Variants in GLI3 observed in about 807,000 individuals in gnomAD.
GLI3 encodes the protein transcription activator GLI3.
GLI3 carries 20 observed loss-of-function variants against 100.8 expected under a neutral mutation model. The observed-to-expected ratio is 0.20, with a 90% CI of 0.14 to 0.29. The LOEUF (loss-of-function observed/expected upper bound fraction) is 0.29, where lower values mean the gene tolerates loss of function less well. Ranked by LOEUF, GLI3 falls within the 10% of genes least tolerant of loss-of-function variation. The probability of loss-of-function intolerance (pLI) is 1.00; values close to 1 mark genes in which losing one functional copy is unlikely to be tolerated. For missense variants in GLI3, 2,040 were observed against 2,128.5 expected (o/e 0.96, Z 0.82); for synonymous variants, 938 against 860.5 (o/e 1.09, Z -1.58).
chr7:42,075,667 G>A (rs1784864910), intron 4 of GLI3, among the ~76,000 whole-genome samples: 1 of 152,118 alleles, frequency 6.6e-6, no homozygotes, highest in African/African-American at 2.4e-5. Flanking sequence ...AATGCTTATA[G>A]AAGTCTGCAA....
chr7:42,211,169 G>A (rs1583651296), intron 2 of GLI3, among the ~76,000 whole-genome samples: 1 of 151,988 alleles, frequency 6.6e-6, no homozygotes, highest in Admixed American at 6.5e-5. Flanking sequence ...CCATTAAGAC[G>A]GTAGCTATTT....
intron 3 of GLI3, among the ~76,000 whole-genome samples, chr7:42,078,442 T>C (rs182136636): frequency 1.5e-3 from 231 of 152,324 alleles, no homozygotes; most frequent in African/African-American, 5.1e-3. Context: ...ATAGCATTCA[T>C]AGAAGCTCTG....
upstream of GLI3, among the ~76,000 whole-genome samples, chr7:42,242,794 AT>A (rs2128709195): frequency 6.6e-6 from 1 of 152,286 alleles, no homozygotes; most frequent in South Asian, 2.1e-4. Context: ...AAGCTTGTGA[AT>A]TTATTTTTTT....
At chr7:42,174,105 G>A (rs906052064) in intron 2 of GLI3, among the ~76,000 whole-genome samples, 5 of 151,874 alleles carry the variant, frequency 3.3e-5, no homozygotes, top group Admixed American at 3.3e-4. Flanking sequence ...TAGGATAAAA[G>A]ACTCTCAAAT....
intron 10 of GLI3, among the ~76,000 whole-genome samples, chr7:42,019,744 C>T (rs759314051): frequency 6.6e-6 from 1 of 151,996 alleles, no homozygotes; most frequent in Non-Finnish European, 1.5e-5. Context: ...TTTCAAATGG[C>T]AAGAGAAAAT....
At chr7:41,985,367 G>A (rs1408785509) in intron 10 of GLI3, among the ~76,000 whole-genome samples, 1 of 152,156 alleles carries the variant, frequency 6.6e-6, no homozygotes, top group Admixed American at 6.5e-5. Context: ...ACTTCTGTGG[G>A]ATTTGCTGGG....
intron 2 of GLI3, among the ~76,000 whole-genome samples, chr7:42,222,304 C>T (rs965977535): frequency 6.6e-6 from 1 of 152,138 alleles, no homozygotes; most frequent in African/African-American, 2.4e-5. Flanking sequence ...ACGAGGAAAA[C>T]GGGCCAGCTC....
chr7:42,174,916 C>A (rs920727474), intron 2 of GLI3, among the ~76,000 whole-genome samples: 4 of 152,150 alleles, frequency 2.6e-5, no homozygotes, highest in African/African-American at 9.7e-5. Context: ...AGTGAGGATG[C>A]GCAGGGGAAG....
chr7:42,093,741 C>T (rs1284321151), intron 3 of GLI3, among the ~76,000 whole-genome samples: 1 of 151,956 alleles, frequency 6.6e-6, no homozygotes, highest in Non-Finnish European at 1.5e-5. Context: ...AACAAATTTA[C>T]AAAAGGAAAA....
At chr7:42,150,911 A>G (rs1786843333) in intron 2 of GLI3, among the ~76,000 whole-genome samples, 1 of 152,178 alleles carries the variant, frequency 6.6e-6, no homozygotes, top group African/African-American at 2.4e-5. Context: ...CAGGAGGGTA[A>G]TCGGGGCGGC....
chr7:42,067,272 G>C (rs1211490647), intron 4 of GLI3, among the ~76,000 whole-genome samples: 1 of 152,114 alleles, frequency 6.6e-6, no homozygotes, highest in Non-Finnish European at 1.5e-5. Context: ...ACGACAATGG[G>C]TGCTAGGAAT....
chr7:42,170,397 C>CTTTTTTTT (rs1185274818), intron 2 of GLI3, among the ~76,000 whole-genome samples: 2 of 81,064 alleles, frequency 2.5e-5, no homozygotes, highest in Non-Finnish European at 2.3e-5. Flanking sequence ...ACTTACTGAT[C>CTTTTTTTT]TTTTTTTTTT....
upstream of GLI3, among the ~76,000 whole-genome samples, chr7:42,240,761 T>G (rs149473501): frequency 5.9e-5 from 9 of 152,284 alleles, no homozygotes; most frequent in East Asian, 1.5e-3. Context: ...AACTTCAACA[T>G]TTTCTTCTGG....
intron 2 of GLI3, among the ~76,000 whole-genome samples, chr7:42,185,036 T>A (rs1480695685): frequency 6.6e-6 from 1 of 152,102 alleles, no homozygotes; most frequent in Non-Finnish European, 1.5e-5. Flanking sequence ...GCAACACACA[T>A]GATGCCTGTT....
chr7:42,210,261 AC>A (rs1428273875), intron 2 of GLI3, among the ~76,000 whole-genome samples: 1 of 151,412 alleles, frequency 6.6e-6, no homozygotes, highest in African/African-American at 2.4e-5. Context: ...CATTATCACC[AC>A]AAGAGAGAAT....
rs371460386 is a variant in GLI3 at position 42,076,881 on chromosome 7, C to G, written c.368-24G>C. On this transcript the variant is annotated intron_variant, in intron 3 of 14. Transcript: ENST00000395925. ...GTCTGAAAAGAAGAGAGAGCCCAAT[C>G]TATATCAAATGAACACTTTCAAACA... 3.6e-6 allele frequency: 5 copies of G among 1,393,280 alleles called. No individual in the cohort carries two copies. In the African/African-American group the frequency reaches 5.6e-5, roughly 16 times the overall value. 86.3% of individuals were successfully genotyped at this position (1,393,280 alleles called of 1,614,324 possible).
At position 42,260,973 on chromosome 7, in the gene GLI3, C is replaced by T. The variant is rs552568572; in HGVS notation, c.-43+3021G>A. On this transcript the variant is annotated intron_variant, in intron 1 of 2. Coordinates refer to the GLI3 transcript ENST00000678978. ...AGGTGTGCAGCATGGCTAGAGCATA[C>T]TCTCTGTGTTAGTCCATTCTTGCAT... Among the ~76,000 whole-genome samples the T allele has an allele frequency of 5.9e-5, 9 of 152,294 alleles. No individual in the cohort carries two copies. The South Asian group carries it at 1.9e-3, about 32-fold the overall frequency.
At chr7:42,255,214 A>G (rs567813541) in intron 1 of GLI3, among the ~76,000 whole-genome samples, 3 of 152,120 alleles carry the variant, frequency 2.0e-5, no homozygotes, top group African/African-American at 7.2e-5. Flanking sequence ...ATAAAAAAAT[A>G]AATGTATTTT....
intron 2 of GLI3, among the ~76,000 whole-genome samples, chr7:42,189,157 C>G (rs974084867): frequency 6.6e-6 from 1 of 152,122 alleles, no homozygotes; most frequent in African/African-American, 2.4e-5. Context: ...CCCAGTACCA[C>G]TCTAAAAAAT....
Sources: allele counts gnomAD v4.1 joint callset (sites outside exome capture counted in the v4.1 genomes callset), GRCh38; gene constraint gnomAD v4.1.1; transcripts MANE v1.5; gene names NCBI Gene and HGNC (gene_info 2026-07-23, HGNC 2026-07-21).